GPR161: variants seen among roughly 807,000 people sequenced by gnomAD.
The protein encoded by GPR161 is G protein-coupled receptor 161.
In GPR161, 25 loss-of-function variants were observed where a neutral mutation model predicts 39.2. The ratio of observed to expected loss-of-function variants is 0.64; its 90% CI spans 0.47 to 0.89. The LOEUF is 0.89. Ranked by LOEUF, GPR161 falls within the 40% of genes least tolerant of loss-of-function variation. The probability of loss-of-function intolerance (pLI) is 0.00; values close to 1 mark genes in which losing one functional copy is unlikely to be tolerated. For missense variants in GPR161, 547 were observed against 677.8 expected (o/e 0.81, Z 2.14); for synonymous variants, 286 against 276.6 (o/e 1.03, Z -0.34).
Position 168,085,799 on chromosome 1 carries a change from G to A in GPR161, c.1325-3C>T. On this transcript the variant is annotated splice_region_variant and splice_polypyrimidine_tract_variant and intron_variant, in intron 5 of 5. Transcript: ENST00000682931. ...AAGAATCGAGTTCTTGGCAGCTTCT[G>A]AGGGAGAAGGCAGAAAAAAAAGTCA... The A allele has an allele frequency of 6.2e-7, 1 of 1,606,934 alleles. No individual in the cohort carries two copies.
chr1:168,087,909 C>G lies in GPR161; in HGVS notation c.1205-205G>C. The G allele has an allele frequency of 8.1e-6, 4 of 492,410 alleles. No homozygotes were observed. In the South Asian group the frequency reaches 1.2e-4, roughly 14 times the overall value. The allele number at this position is 492,410 out of a possible 1,614,324, so 30.5% of individuals were successfully genotyped here. On this transcript the variant is annotated intron_variant, in intron 4 of 5. Coordinates refer to ENST00000682931, the MANE Select transcript of GPR161 (RefSeq NM_001375883.1). ...AGTTTGCAGACAGCCGGTGGGGCTG[C>G]GTCAGCCACACAAAAAATGCAGCCA...
intron 1 of GPR161, among the ~76,000 whole-genome samples, chr1:168,113,664 C>T (rs138243675): frequency 2.3e-4 from 35 of 152,236 alleles, no homozygotes; most frequent in African/African-American, 7.9e-4. Flanking sequence ...TAAAAAAGAA[C>T]GAGATCATAC....
intron 1 of GPR161, among the ~76,000 whole-genome samples, chr1:168,113,564 T>C (rs745690231): frequency 6.6e-6 from 1 of 152,220 alleles, no homozygotes; most frequent in Non-Finnish European, 1.5e-5. Context: ...CAGTAATTAA[T>C]ACCATTTTGT....
At chr1:168,122,242 C>T (rs1330578985) in intron 1 of GPR161, among the ~76,000 whole-genome samples, 1 of 152,188 alleles carries the variant, frequency 6.6e-6, no homozygotes, top group African/African-American at 2.4e-5. Context: ...ACTCCTGGCT[C>T]CTCATTCTCT....
At chr1:168,114,183 T>C (rs1305880117) in intron 1 of GPR161, among the ~76,000 whole-genome samples, 1 of 152,198 alleles carries the variant, frequency 6.6e-6, no homozygotes, top group African/African-American at 2.4e-5. Context: ...TCTCATATTT[T>C]TACCTAAAAC....
At chr1:168,119,243 CACAT>C (rs1240482537) in intron 1 of GPR161, among the ~76,000 whole-genome samples, 295 of 100,844 alleles carry the variant, frequency 2.9e-3, no homozygotes, top group Middle Eastern at 0.011. Context: ...TATATATATA[CACAT>C]ATATATATAC....
chr1:168,096,115 CAG>C (rs1337118681), intron 3 of GPR161, among the ~76,000 whole-genome samples: 5 of 105,134 alleles, frequency 4.8e-5, no homozygotes, highest in African/African-American at 1.9e-4. Flanking sequence ...AGCTGGACAA[CAG>C]AGCAAGACCC....
In GPR161 at chr1:168,096,553, G is replaced by A. The variant is rs961642617; in HGVS notation, c.1054C>T (p.Arg352Ter). ...CTGAAGAGCCTGGAAGTCCTCTGTCGTTGCACAAATGGTTCCCGATAATAC... is the reference window on the plus strand; with the variant it reads ...CTGAAGAGCCTGGAAGTCCTCTGTCATTGCACAAATGGTTCCCGATAATAC... ...DRYYREPFVQ[R>*]QRTSRLFSIS... The change falls in exon 3 of 6, where the codon CGA becomes TGA. Residue 352 changes from arginine (R) to a stop codon, truncating the protein, a stop_gained. Coordinates refer to ENST00000682931, the MANE Select transcript of GPR161 (RefSeq NM_001375883.1). LOFTEE classifies it high-confidence loss of function. The A allele has an allele frequency of 1.9e-5, 31 of 1,614,018 alleles. No individual in the cohort carries two copies. Among genetic ancestry groups the A allele is most frequent in the African/African-American group, 2.7e-5 (2 of 74,906 alleles).
At chr1:168,096,133 CAAAAAAAAAAAAAAA>C (rs58096092) in intron 3 of GPR161, among the ~76,000 whole-genome samples, 1 of 44,738 alleles carries the variant, frequency 2.2e-5, no homozygotes, top group Non-Finnish European at 4.1e-5. Flanking sequence ...GACCCTGTCT[CAAAAAAAAAAAAAAA>C]AAAAAAAAAA....
intron 1 of GPR161, among the ~76,000 whole-genome samples, chr1:168,110,587 GAAAAGAA>G (rs759589212): frequency 1.1e-5 from 1 of 93,422 alleles, no homozygotes; most frequent in African/African-American, 5.4e-5. Flanking sequence ...GAAAAGAAAA[GAAAAGAA>G]AAGAGACAAT....
chr1:168,136,331 T>C, intron 1 of GPR161: 1 of 1,479,402 alleles, frequency 6.8e-7, no homozygotes, highest in Non-Finnish European at 9.0e-7. Context: ...GGACGTGGAG[T>C]CTCTTGGCCC....
In GPR161 at chr1:168,084,164, C is replaced by T. The variant is rs275138; in HGVS notation, c.*1367G>A. ...GTGCTTCCCCTTCTGAGATGGTGAC[C>T]CTGCCCCTCATGCATCTTGGTGGCT... is the stretch of plus-strand genomic sequence containing the variant. On this transcript the variant is annotated 3_prime_UTR_variant, in exon 6 of 6. Transcript: ENST00000682931. 9,218 of 155,190 alleles carry T rather than the reference C, an allele frequency of 0.059. 916 individuals carry two copies. The highest frequency in any genetic ancestry group is 0.21 in the African/African-American group (8,666 of 41,492). 9.6% of individuals were successfully genotyped at this position (155,190 alleles called of 1,614,324 possible).
intron 3 of GPR161, among the ~76,000 whole-genome samples, chr1:168,094,229 T>C (rs1216339767): frequency 2.0e-5 from 3 of 152,122 alleles, no homozygotes; most frequent in Non-Finnish European, 4.4e-5. Flanking sequence ...TCTGTCCTCA[T>C]TTTTTTTCCT....
At chr1:168,134,577 C>G (rs1699227358) in intron 1 of GPR161, among the ~76,000 whole-genome samples, 4 of 152,206 alleles carry the variant, frequency 2.6e-5, no homozygotes, top group Admixed American at 1.3e-4. Flanking sequence ...GAATGACAGT[C>G]AGTGCTTCCC....
intron 1 of GPR161, among the ~76,000 whole-genome samples, chr1:168,130,231 G>T (rs1698885523): frequency 6.6e-6 from 1 of 152,178 alleles, no homozygotes; most frequent in Non-Finnish European, 1.5e-5. Flanking sequence ...TGCTCCTCTG[G>T]AGACCCACCC....
chr1:168,087,836 G>T, intron 4 of GPR161, 132 bp from the exon 5 acceptor site: 1 of 864,212 alleles, frequency 1.2e-6, no homozygotes, highest in Non-Finnish European at 1.7e-6. Context: ...AGCTGACTGC[G>T]CCGCAGCACG....
At position 168,108,311 on chromosome 1, in the gene GPR161, C is replaced by T. The variant is rs190889283; in HGVS notation, c.-44-3417G>A. 3.9e-5 allele frequency among the ~76,000 whole-genome samples: 6 copies of T among 152,034 alleles called. No individual in the cohort carries two copies. The East Asian group carries it at 1.2e-3, about 29-fold the overall frequency. On this transcript the variant is annotated intron_variant, in intron 1 of 5. Coordinates refer to ENST00000682931, the MANE Select transcript of GPR161 (RefSeq NM_001375883.1). ...AACACCTCCCACCAGGCCCCACCTC[C>T]AACACTGGGATCAAATGTCAACATG...
chr1:168,114,300 C>CAGTGGTTAAG (rs1273180959), intron 1 of GPR161, among the ~76,000 whole-genome samples: 43 of 152,146 alleles, frequency 2.8e-4, no homozygotes, highest in Non-Finnish European at 4.9e-4. Context: ...GCACAGATGC[C>CAGTGGTTAAG]AGCCAGGTGC....
At chr1:168,136,422 G>A (rs1426223456) in intron 1 of GPR161, 8 of 1,355,180 alleles carry the variant, frequency 5.9e-6, no homozygotes, top group Non-Finnish European at 7.6e-6. Context: ...GGGGCTTCGG[G>A]CGGCGCCGGA....
Sources: gnomAD v4.1 joint callset for allele counts (sites outside exome capture counted in the v4.1 genomes callset) on GRCh38, gnomAD v4.1.1 for gene constraint, MANE v1.5 for transcripts, NCBI Gene and HGNC (gene_info 2026-07-23, HGNC 2026-07-21) for gene names.